Variants in BLM observed in about 807,000 individuals in gnomAD.
The protein encoded by BLM is recQ-like DNA helicase BLM.
Under a neutral mutation model 135.3 loss-of-function variants are expected in BLM, and 95 were observed. That is an observed-to-expected ratio of 0.70 (90% CI 0.59 to 0.83). BLM has a LOEUF of 0.83. Among genes scored for constraint, BLM ranks in the 40% least tolerant of loss-of-function variants. The pLI, the probability that BLM is intolerant of heterozygous loss-of-function variation, is 0.00. For missense variants in BLM, 1,518 were observed against 1,663.9 expected (o/e 0.91, Z 1.53); for synonymous variants, 520 against 589.2 (o/e 0.88, Z 1.70).
intron 9 of BLM, among the ~76,000 whole-genome samples, chr15:90,766,115 TG>T (rs1896119827): frequency 6.6e-6 from 1 of 152,142 alleles, no homozygotes; most frequent in South Asian, 2.1e-4. Flanking sequence ...TCAATCACAT[TG>T]TGATTAAAAA....
At chr15:90,724,453 A>G (rs7175604) in intron 1 of BLM, among the ~76,000 whole-genome samples, 9,849 of 152,108 alleles carry the variant, frequency 0.065, 1,066 homozygotes, top group African/African-American at 0.22. Flanking sequence ...TTTCCCCACA[A>G]TAGTTCAGTT....
In BLM at chr15:90,789,176, G is replaced by A. The variant is rs149339700; in HGVS notation, c.2824-1473G>A. Among the ~76,000 whole-genome samples the A allele has an allele frequency of 1.2e-3, 176 of 152,034 alleles. 1 individual carries two copies. The highest frequency in any genetic ancestry group is 4.0e-3 in the African/African-American group (166 of 41,450). On this transcript the variant is annotated intron_variant, in intron 14 of 21. Transcript: ENST00000355112. ...ATGTAATATTAGCCTACACCAGCTC[G>A]ACAGACTTGATCTCGTTAGATTCAT...
chr15:90,806,015 G>C (rs1291898885), intron 19 of BLM, among the ~76,000 whole-genome samples: 4 of 151,940 alleles, frequency 2.6e-5, no homozygotes, highest in Non-Finnish European at 5.9e-5. Context: ...CATTTACTTT[G>C]ATTATATGTA....
In BLM at chr15:90,747,746, T is replaced by G. The variant is rs28384977; in HGVS notation, c.98+256T>G. On this transcript the variant is annotated intron_variant, in intron 2 of 21. Coordinates refer to ENST00000355112, the MANE Select transcript of BLM (RefSeq NM_000057.4). ...TTGTTGAGTAAATGAATAATTGATC[T>G]TGTAAATTTGGGCAAATAAGTGTTT... 5.9e-3 allele frequency: 2,410 copies of G among 405,090 alleles called. 41 individuals are homozygous for G. Among genetic ancestry groups the G allele is most frequent in the African/African-American group, 0.042 (2,048 of 49,242 alleles). The allele number at this position is 405,090 out of a possible 1,614,324, so 25.1% of individuals were successfully genotyped here.
intron 12 of BLM, among the ~76,000 whole-genome samples, chr15:90,779,093 G>A (rs1193985901): frequency 1.3e-5 from 2 of 152,082 alleles, no homozygotes; most frequent in South Asian, 2.1e-4. Flanking sequence ...CCCCATATTG[G>A]CCAGGCTGGT....
chr15:90,756,430 A>G (rs1439446755), intron 5 of BLM, among the ~76,000 whole-genome samples: 1 of 152,188 alleles, frequency 6.6e-6, no homozygotes, highest in Non-Finnish European at 1.5e-5. Context: ...TGTTATCCCC[A>G]TTTAACAGAT....
At chr15:90,737,856 T>C (rs1895259085) in intron 1 of BLM, among the ~76,000 whole-genome samples, 1 of 151,566 alleles carries the variant, frequency 6.6e-6, no homozygotes, top group South Asian at 2.1e-4. Flanking sequence ...AGAAAAGCAG[T>C]AGAGAAATTG....
At chr15:90,780,635 T>C (rs1241480217) in intron 12 of BLM, among the ~76,000 whole-genome samples, 1 of 152,208 alleles carries the variant, frequency 6.6e-6, no homozygotes, top group Non-Finnish European at 1.5e-5. Flanking sequence ...TCAAAAACAT[T>C]TGAAAGAAAA....
intron 10 of BLM, among the ~76,000 whole-genome samples, chr15:90,768,231 C>A (rs561678592): frequency 5.9e-5 from 9 of 152,336 alleles, no homozygotes; most frequent in Non-Finnish European, 1.3e-4. Flanking sequence ...GCGTGAGCCA[C>A]TGTGCCCAGC....
chr15:90,798,388 C>T (rs747073943), intron 17 of BLM, 51 bp downstream of exon 17: 1 of 1,571,514 alleles, frequency 6.4e-7, no homozygotes, highest in African/African-American at 1.4e-5. Context: ...AATTGAACAT[C>T]TAAAGAATTT....
intron 8 of BLM, among the ~76,000 whole-genome samples, chr15:90,763,686 C>G (rs538687320): frequency 6.6e-6 from 1 of 152,298 alleles, no homozygotes; most frequent in Non-Finnish European, 1.5e-5. Context: ...AGTAAAGTAC[C>G]TGGTTCACAG....
intron 2 of BLM, 69 bp downstream of exon 2, chr15:90,747,559 C>T (rs1056611072): frequency 9.6e-6 from 9 of 936,814 alleles, no homozygotes; most frequent in Non-Finnish European, 1.5e-5. Context: ...GAGATATCTT[C>T]TCTTTAAACT....
At chr15:90,748,264 A>G (rs541672314) in intron 2 of BLM, among the ~76,000 whole-genome samples, 1 of 151,940 alleles carries the variant, frequency 6.6e-6, no homozygotes, top group Non-Finnish European at 1.5e-5. Context: ...ATGCACCACC[A>G]TGCCTGGCTA....
intron 1 of BLM, 64 bp from the exon 2 acceptor site, chr15:90,747,325 A>C (rs542763700): frequency 7.5e-7 from 1 of 1,325,412 alleles, no homozygotes; most frequent in South Asian, 1.2e-5. Flanking sequence ...TCCTCCCCTC[A>C]AAAAACATTG....
intron 14 of BLM, among the ~76,000 whole-genome samples, chr15:90,789,088 C>T (rs185480144): frequency 2.3e-4 from 35 of 149,056 alleles, no homozygotes; most frequent in African/African-American, 6.4e-4. Flanking sequence ...TATGGTTAAA[C>T]AATAGGGGTT....
intron 14 of BLM, among the ~76,000 whole-genome samples, chr15:90,788,495 GGTTTTTT>G (rs1896815137): frequency 2.5e-5 from 1 of 40,304 alleles, no homozygotes; most frequent in African/African-American, 8.8e-5. Flanking sequence ...TTTTTTTTTT[GGTTTTTT>G]GTTCTTTTCC....
intron 14 of BLM, among the ~76,000 whole-genome samples, chr15:90,788,471 G>GTTTTTTTTTTTTTTTTTTTTTTTT (rs35158343): frequency 9.5e-5 from 9 of 95,014 alleles, no homozygotes; most frequent in Admixed American, 1.3e-4. Context: ...CCAGTGTTTT[G>GTTTTTTTTTTTTTTTTTTTTTTTT]TTTTTTTTTT....
At chr15:90,803,406 T>C (rs1443677002) in intron 17 of BLM, 115 bp from the exon 18 acceptor site, 1 of 880,666 alleles carries the variant, frequency 1.1e-6, no homozygotes. Context: ...GTGCCGGGGT[T>C]TGTGATCTAT....
rs28385011 is a variant in BLM at position 90,761,095 on chromosome 15, A to G, written c.1722A>G (p.Leu574=). 9,450 of 1,550,562 alleles carry G rather than the reference A, an allele frequency of 6.1e-3. 78 individuals are homozygous for G. Among genetic ancestry groups the G allele is most frequent in the South Asian group, 0.024 (1,922 of 78,694 alleles). The change falls in exon 7 of 22, where the codon TTA becomes TTG. Residue 574 remains leucine, a synonymous_variant. Transcript: ENST00000355112. ...ACTGGGAAGACATAATGCATAATTT[A>G]GCAGCCAGCAAATCTTCCACAGCTG... ...DDDWEDIMHN[L]AASKSSTAAY...
Sources: allele counts gnomAD v4.1 joint callset (sites outside exome capture counted in the v4.1 genomes callset), GRCh38; gene constraint gnomAD v4.1.1; transcripts MANE v1.5; gene names NCBI Gene and HGNC (gene_info 2026-07-23, HGNC 2026-07-21).